The following MCTP1 variants were observed in gnomAD, a reference collection of about 807,000 sequenced individuals.
The protein encoded by MCTP1 is multiple C2 and transmembrane domain-containing protein 1.
A neutral mutation model predicts 120.6 loss-of-function variants in MCTP1; 69 were observed. The observed-to-expected ratio is 0.57, with a 90% CI of 0.47 to 0.70. The LOEUF is 0.70. Among genes scored for constraint, MCTP1 ranks in the 30% least tolerant of loss-of-function variants. The pLI, the probability that MCTP1 is intolerant of heterozygous loss-of-function variation, is 0.00. For synonymous variants in MCTP1, 529 were observed against 493.1 expected (o/e 1.07, Z -0.96); for missense variants, 1,203 against 1,248.8 (o/e 0.96, Z 0.55).
chr5:94,770,037 T>C (rs1023623896), intron 19 of MCTP1, among the ~76,000 whole-genome samples: 5 of 152,232 alleles, frequency 3.3e-5, no homozygotes, highest in African/African-American at 1.2e-4. Context: ...GAATTTCTTT[T>C]AGAATCTGCA....
intron 1 of MCTP1, among the ~76,000 whole-genome samples, chr5:95,167,676 T>A (rs1039832106): frequency 6.6e-6 from 1 of 152,266 alleles, no homozygotes; most frequent in Non-Finnish European, 1.5e-5. Context: ...TGAGCATTTT[T>A]TCATGTGTCT....
At chr5:95,167,907 C>G (rs999065499) in intron 1 of MCTP1, among the ~76,000 whole-genome samples, 3 of 152,118 alleles carry the variant, frequency 2.0e-5, no homozygotes, top group Admixed American at 6.5e-5. Flanking sequence ...TAATTAAATC[C>G]CATTTGTCAA....
chr5:95,084,948 T>A (rs1478070630), intron 1 of MCTP1, among the ~76,000 whole-genome samples: 1 of 152,156 alleles, frequency 6.6e-6, no homozygotes, highest in Non-Finnish European at 1.5e-5. Flanking sequence ...GCTGTTTGAC[T>A]TTTAGTATGA....
intron 6 of MCTP1, among the ~76,000 whole-genome samples, chr5:94,926,723 G>A (rs1413766455): frequency 6.6e-6 from 1 of 151,944 alleles, no homozygotes; most frequent in Non-Finnish European, 1.5e-5. Context: ...CCATGTAATC[G>A]CACAGCAGCC....
At chr5:94,751,444 T>C (rs1243777648) in intron 19 of MCTP1, among the ~76,000 whole-genome samples, 1 of 149,984 alleles carries the variant, frequency 6.7e-6, no homozygotes, top group Non-Finnish European at 1.5e-5. Context: ...AGAAAAAAAA[T>C]TCTAAGACTT....
At chr5:94,964,914 G>T (rs1825225239) in intron 2 of MCTP1, among the ~76,000 whole-genome samples, 1 of 151,950 alleles carries the variant, frequency 6.6e-6, no homozygotes, top group Non-Finnish European at 1.5e-5. Context: ...TAAATCCTTT[G>T]CTATAGTTAT....
chr5:94,896,457 G>A (rs940377752), intron 10 of MCTP1, among the ~76,000 whole-genome samples: 1 of 150,450 alleles, frequency 6.6e-6, no homozygotes, highest in Non-Finnish European at 1.5e-5. Context: ...TGCATTTCCC[G>A]GTCCCTTCCT....
intron 18 of MCTP1, 83 bp from the exon 19 acceptor site, chr5:94,779,246 A>G: frequency 1.8e-6 from 2 of 1,127,398 alleles, no homozygotes; most frequent in Non-Finnish European, 2.7e-6. Flanking sequence ...TGGAAATGAA[A>G]ACTTTATTAA....
intron 2 of MCTP1, among the ~76,000 whole-genome samples, chr5:94,956,889 A>C (rs1024201000): frequency 6.6e-6 from 1 of 152,208 alleles, no homozygotes; most frequent in African/African-American, 2.4e-5. Flanking sequence ...AGACAGGCCA[A>C]CATTCAAATT....
chr5:95,275,917 G>T (rs963274427), intron 1 of MCTP1, among the ~76,000 whole-genome samples: 6 of 152,156 alleles, frequency 3.9e-5, no homozygotes, highest in Non-Finnish European at 7.3e-5. Context: ...GAAAGTGGGT[G>T]TGGATGTTAA....
intron 2 of MCTP1, among the ~76,000 whole-genome samples, chr5:94,998,845 A>G (rs1416405760): frequency 1.3e-5 from 2 of 152,198 alleles, no homozygotes. Flanking sequence ...GACTTTCTCC[A>G]TAAATATTCG....
At chr5:94,906,180 G>C (rs1357379339) in intron 10 of MCTP1, among the ~76,000 whole-genome samples, 1 of 152,076 alleles carries the variant, frequency 6.6e-6, no homozygotes, top group African/African-American at 2.4e-5. Context: ...GACTATATTA[G>C]TTCAAGTAAG....
chr5:94,912,696 GT>G (rs1809050880), intron 9 of MCTP1, 109 bp downstream of exon 9: 1 of 848,024 alleles, frequency 1.2e-6, no homozygotes, highest in Non-Finnish European at 1.7e-6. Context: ...GTTCAAAAGA[GT>G]TTGTTAAGCA....
intron 1 of MCTP1, among the ~76,000 whole-genome samples, chr5:95,204,192 T>G (rs931879270): frequency 2.0e-5 from 3 of 152,148 alleles, no homozygotes; most frequent in African/African-American, 7.2e-5. Context: ...CTATACAACT[T>G]ATAACCCTAC....
chr5:94,937,127 T>G (rs528383767), intron 5 of MCTP1, among the ~76,000 whole-genome samples: 77 of 152,172 alleles, frequency 5.1e-4, no homozygotes, highest in South Asian at 1.2e-3. Flanking sequence ...GTTGAGCCAC[T>G]TGCTTCTCTG....
chr5:95,095,946 A>T (rs1756233335), intron 1 of MCTP1, among the ~76,000 whole-genome samples: 1 of 152,124 alleles, frequency 6.6e-6, no homozygotes, highest in African/African-American at 2.4e-5. Context: ...TGAGGGGGAA[A>T]CGAGACCTCC....
chr5:95,248,084 C>T (rs1757003176), intron 1 of MCTP1, among the ~76,000 whole-genome samples: 1 of 152,132 alleles, frequency 6.6e-6, no homozygotes, highest in Non-Finnish European at 1.5e-5. Flanking sequence ...TGGGCAAAAG[C>T]TGGAAGCATT....
chr5:95,046,572 C>T (rs1442357141), intron 1 of MCTP1, among the ~76,000 whole-genome samples: 1 of 152,164 alleles, frequency 6.6e-6, no homozygotes, highest in South Asian at 2.1e-4. Flanking sequence ...ATAAGTACTA[C>T]TTCTACCTCA....
chr5:95,112,921 T>C (rs560045360), intron 1 of MCTP1, among the ~76,000 whole-genome samples: 20 of 152,298 alleles, frequency 1.3e-4, no homozygotes, highest in African/African-American at 4.8e-4. Flanking sequence ...ACTGCTTATA[T>C]AGTTATATAC....
Sources: allele counts gnomAD v4.1 joint callset (sites outside exome capture counted in the v4.1 genomes callset), GRCh38; gene constraint gnomAD v4.1.1; transcripts MANE v1.5; gene names NCBI Gene and HGNC (gene_info 2026-07-23, HGNC 2026-07-21).